ATXN3L: variants seen among roughly 807,000 people sequenced by gnomAD.
ATXN3L encodes the protein ataxin-3-like protein.
For synonymous variants in ATXN3L, 98 were observed against 96.1 expected (o/e 1.02, Z -0.12); for missense variants, 283 against 255.2 (o/e 1.11, Z -0.74).
chrX:13,319,529 G>A lies in ATXN3L; in HGVS notation c.406C>T (p.Leu136Phe), dbSNP rs1555931850. The A allele has an allele frequency of 3.3e-6, 4 of 1,211,656 alleles. No individual in the cohort carries two copies. Among genetic ancestry groups the A allele is most frequent in the East Asian group, 5.9e-5 (2 of 33,859 alleles). The change falls in exon 1 of 1, where the codon CTC becomes TTC. Residue 136 changes from leucine to phenylalanine, a missense_variant. By Grantham distance (22) the Leu-to-Phe change is conservative. Coordinates refer to ENST00000380622, the MANE Select transcript of ATXN3L (RefSeq NM_001135995.2). ...GATATTAATTCTGGACCCGCCAAGAGAGAATTCAAGTTAAACCAGTGTTTT... is the reference window on the plus strand; with the variant it reads ...GATATTAATTCTGGACCCGCCAAGAAAGAATTCAAGTTAAACCAGTGTTTT... ...FGKHWFNLNS[L>F]LAGPELISDT...
chrX:13,319,208 C>T lies in ATXN3L; in HGVS notation c.727G>A (p.Glu243Lys). The change falls in exon 1 of 1, where the codon GAA (glutamate) becomes AAA (lysine). Residue 243 changes from glutamate to lysine, a missense_variant. Transcript: ENST00000380622. ...ATAGTACTGCGGAGATGTTCATCTT[C>T]TCTATTGGTTTCTTGGCGGCTTAGT... The part of the protein sequence containing the change: ...LELSRQETNR[E>K]DEHLRSTIEL... The T allele has an allele frequency of 8.3e-7, 1 of 1,211,634 alleles. No homozygotes were observed. The highest frequency in any genetic ancestry group is 1.1e-6 in the Non-Finnish European group (1 of 895,393).
rs2044470692 is a variant in ATXN3L, at chrX:13,319,280, A to G, written c.655T>C (p.Ser219Pro). 3.3e-6 allele frequency: 4 copies of G among 1,210,853 alleles called. No individual in the cohort carries two copies. The highest frequency in any genetic ancestry group is 4.5e-6 in the Non-Finnish European group (4 of 895,127). Residue 219 changes from serine to proline, a missense_variant, in exon 1 of 1, where the codon TCT (serine) becomes CCT (proline). Coordinates refer to ENST00000380622, the MANE Select transcript of ATXN3L (RefSeq NM_001135995.2). ...TCCTCATCTTGGTCTGATGTTCCAG[A>G]CTCATCACTTTCTTCTGATACTTTT... ...LEKVSEESDE[S>P]GTSDQDEEDF...
Position 13,319,370 on chromosome X carries a change from G to C in ATXN3L, c.565C>G (p.Pro189Ala). The part of the protein sequence containing the change: ...QIISVEEMDT[P>A]KLNGKKLVKQ... ...ACTAATTTTTTTCCATTAAGTTTTG[G>C]TGTATCCATCTCTTCGACACTGATG... is the stretch of plus-strand genomic sequence containing the variant. Residue 189 changes from proline to alanine, a missense_variant, in exon 1 of 1, where the codon CCA (proline) becomes GCA (alanine). Pro to Ala is a conservative substitution (Grantham distance 27). Transcript: ENST00000380622. The C allele has an allele frequency of 8.3e-7, 1 of 1,210,551 alleles. No individual in the cohort carries two copies.
chrX:13,319,190 T>A lies in ATXN3L; in HGVS notation c.745A>T (p.Ser249Cys). The A allele has an allele frequency of 8.3e-7, 1 of 1,211,734 alleles. No homozygotes were observed. Among genetic ancestry groups the A allele is most frequent in the Non-Finnish European group, 1.1e-6 (1 of 895,388 alleles). ...CCTTGCATGCTTAACTCAATAGTAC[T>A]GCGGAGATGTTCATCTTCTCTATTG... The part of the protein sequence containing the change: ...ETNREDEHLR[S>C]TIELSMQGSS... Residue 249 changes from serine to cysteine, a missense_variant, in exon 1 of 1, where the codon AGT becomes TGT. Ser to Cys is a moderately radical substitution (Grantham distance 112). Coordinates refer to ENST00000380622, the MANE Select transcript of ATXN3L (RefSeq NM_001135995.2).
Position 13,319,185 on chromosome X carries a change from A to AG in ATXN3L, c.749dup (p.Ile251TyrfsTer2). ...AACTACCTTGCATGCTTAACTCAAT[A>AG]GTACTGCGGAGATGTTCATCTTCTC... On this transcript the variant is annotated frameshift_variant, in exon 1 of 1. Coordinates refer to ENST00000380622, the MANE Select transcript of ATXN3L (RefSeq NM_001135995.2). LOFTEE classifies it low-confidence loss of function (END_TRUNC). 1 of 1,211,302 alleles carries AG rather than the reference A, an allele frequency of 8.3e-7. No homozygotes were observed. Among genetic ancestry groups the AG allele is most frequent in the Non-Finnish European group, 1.1e-6 (1 of 895,343 alleles).
chrX:13,318,948 G>T lies in ATXN3L; in HGVS notation c.987C>A (p.Ile329=), dbSNP rs922396528. Residue 329 remains isoleucine (I), a synonymous_variant, in exon 1 of 1, where the codon ATC becomes ATA. Transcript: ENST00000380622. ...CAGCGGCCTGTACTGTGCCTTCACT[G>T]ATGTCATCACTGAGATCACTCTCAA... is the stretch of plus-strand genomic sequence containing the variant. The part of the protein sequence containing the change: ...RAIESDLSDD[I]SEGTVQAAVD... 3 of 1,209,682 alleles carry T rather than the reference G, an allele frequency of 2.5e-6. No homozygotes were observed. The highest frequency in any genetic ancestry group is 3.4e-6 in the Non-Finnish European group (3 of 894,918).
Position 13,319,087 on chromosome X carries a change from T to G in ATXN3L, c.848A>C (p.Lys283Thr). 5 of 1,211,464 alleles carry G rather than the reference T, an allele frequency of 4.1e-6. No homozygotes were observed. The highest frequency in any genetic ancestry group is 5.6e-6 in the Non-Finnish European group (5 of 895,402). Reference protein sequence around the residue: ...TPASEQPKKIKEDYFEKHQQE... With the variant: ...TPASEQPKKITEDYFEKHQQE... ...CTGATGCTTTTCAAAATAGTCTTCTTTTATTTTCTTCGGCTGTTCTGAAGC... is the reference window on the plus strand; with the variant it reads ...CTGATGCTTTTCAAAATAGTCTTCTGTTATTTTCTTCGGCTGTTCTGAAGC... Residue 283 changes from lysine to threonine, a missense_variant, in exon 1 of 1, where the codon AAA becomes ACA. By Grantham distance (78) the Lys-to-Thr change is moderately conservative (BLOSUM62 -1). Coordinates refer to ENST00000380622, the MANE Select transcript of ATXN3L (RefSeq NM_001135995.2).
Position 13,319,663 on chromosome X carries a change from A to G in ATXN3L, c.272T>C (p.Ile91Thr). Residue 91 changes from isoleucine (I) to threonine (T), a missense_variant, in exon 1 of 1, where the codon ATC (isoleucine) becomes ACC (threonine). Coordinates refer to ENST00000380622, the MANE Select transcript of ATXN3L (RefSeq NM_001135995.2). The part of the protein sequence containing the change: ...SNALKFWGLE[I>T]IHFNNPEYQK... ...ATATTCAGGATTATTGAAATGGATGATCTCTAAACCCCAGAACTTCAAGGC... is the reference window on the plus strand; with the variant it reads ...ATATTCAGGATTATTGAAATGGATGGTCTCTAAACCCCAGAACTTCAAGGC... 1 of 1,211,693 alleles carries G rather than the reference A, an allele frequency of 8.3e-7. No individual in the cohort carries two copies. The highest frequency in any genetic ancestry group is 1.1e-6 in the Non-Finnish European group (1 of 895,325).
In ATXN3L at chrX:13,319,266, G is replaced by A. The variant is rs745317447; in HGVS notation, c.669C>T (p.Asp223=). The A allele has an allele frequency of 4.1e-6, 5 of 1,209,442 alleles. No homozygotes were observed. In the Admixed American group the frequency reaches 8.8e-5, roughly 21 times the overall value. ...SEESDESGTS[D]QDEEDFQRAL... ...CCCTCTGAAAATCCTCCTCATCTTG[G>A]TCTGATGTTCCAGACTCATCACTTT... is the stretch of plus-strand genomic sequence containing the variant. Residue 223 remains aspartate, a synonymous_variant, in exon 1 of 1, where the codon GAC becomes GAT. Transcript: ENST00000380622.
rs201381068 is a variant in ATXN3L at position 13,319,859 on chromosome X, C to T, written c.76G>A (p.Glu26Lys). The T allele has an allele frequency of 1.6e-5, 19 of 1,210,134 alleles. No homozygotes were observed. Among genetic ancestry groups the T allele is most frequent in the Admixed American group, 2.2e-5 (1 of 45,787 alleles). Residue 26 changes from glutamate (E) to lysine (K), a missense_variant, in exon 1 of 1, where the codon GAA becomes AAA. Physicochemically the swap from Glu to Lys is moderately conservative, Grantham distance 56. Coordinates refer to ENST00000380622, the MANE Select transcript of ATXN3L (RefSeq NM_001135995.2). ...GCTAATTCCACAGGGCTAAAATATT[C>T]TCCTTGCAATAGATTGTTCAGACAG... ...QHCLNNLLQGEYFSPVELASI... is the reference protein window; with the variant it reads ...QHCLNNLLQGKYFSPVELASI...
chrX:13,319,458 T>C lies in ATXN3L; in HGVS notation c.477A>G (p.Ala159=). ...CACCCTTGACAACAAATACAGAATATGCTTGTTGTTGTAATCGAGCCAAGA... is the reference window on the plus strand; with the variant it reads ...CACCCTTGACAACAAATACAGAATACGCTTGTTGTTGTAATCGAGCCAAGA... The part of the protein sequence containing the change: ...ANFLARLQQQ[A]YSVFVVKGDL... The change falls in exon 1 of 1, where the codon GCA becomes GCG. Residue 159 remains alanine, a synonymous_variant. Coordinates refer to ENST00000380622, the MANE Select transcript of ATXN3L (RefSeq NM_001135995.2). The C allele has an allele frequency of 8.3e-7, 1 of 1,211,352 alleles. No individual in the cohort carries two copies. Among genetic ancestry groups the C allele is most frequent in the Non-Finnish European group, 1.1e-6 (1 of 895,026 alleles).
rs1205364548 is a variant in ATXN3L at position 13,318,707 on chromosome X, G to A, written c.*160C>T. ...ATGTCTCCTTGGCTAGTAGTTGAAC[G>A]ATCATTATTTAGTCCCACATCTCTC... On this transcript the variant is annotated 3_prime_UTR_variant, in exon 1 of 1. Transcript: ENST00000380622. The A allele has an allele frequency of 2.6e-6, 1 of 388,988 alleles. No individual in the cohort carries two copies. Among genetic ancestry groups the A allele is most frequent in the Non-Finnish European group, 4.3e-6 (1 of 231,683 alleles). The allele number at this position is 388,988 out of a possible 1,213,427, so 32.1% of individuals were successfully genotyped here.
Position 13,319,211 on chromosome X carries a change from T to C in ATXN3L, c.724A>G (p.Arg242Gly), listed in dbSNP as rs2044469594. The C allele has an allele frequency of 8.3e-7, 1 of 1,211,712 alleles. No homozygotes were observed. Among genetic ancestry groups the C allele is most frequent in the Non-Finnish European group, 1.1e-6 (1 of 895,356 alleles). ...GTACTGCGGAGATGTTCATCTTCTCTATTGGTTTCTTGGCGGCTTAGTTCA... is the reference window on the plus strand; with the variant it reads ...GTACTGCGGAGATGTTCATCTTCTCCATTGGTTTCTTGGCGGCTTAGTTCA... ...ALELSRQETN[R>G]EDEHLRSTIE... The change falls in exon 1 of 1, where the codon AGA (arginine) becomes GGA (glycine). Residue 242 changes from arginine (R) to glycine (G), a missense_variant. Coordinates refer to ENST00000380622, the MANE Select transcript of ATXN3L (RefSeq NM_001135995.2).
Position 13,318,719 on chromosome X carries a change from G to T in ATXN3L, c.*148C>A. 2.3e-6 allele frequency: 1 copy of T among 429,675 alleles called. No individual in the cohort carries two copies. Among genetic ancestry groups the T allele is most frequent in the Non-Finnish European group, 3.9e-6 (1 of 257,494 alleles). 35.4% of individuals were successfully genotyped at this position (429,675 alleles called of 1,213,427 possible). On this transcript the variant is annotated 3_prime_UTR_variant, in exon 1 of 1. Transcript: ENST00000380622. ...CTAGTAGTTGAACGATCATTATTTA[G>T]TCCCACATCTCTCTCGTCATTTTGT... is the stretch of plus-strand genomic sequence containing the variant.
chrX:13,319,349 A>AT lies in ATXN3L; in HGVS notation c.585dup (p.Leu196IlefsTer8). On this transcript the variant is annotated frameshift_variant, in exon 1 of 1. Transcript: ENST00000380622. LOFTEE classifies it low-confidence loss of function (END_TRUNC). ...ACTCTATGCTCTTTTTGTTTTACTA[A>AT]TTTTTTTCCATTAAGTTTTGGTGTA... The AT allele has an allele frequency of 1.7e-6, 2 of 1,209,467 alleles. No homozygotes were observed. The highest frequency in any genetic ancestry group is 2.2e-6 in the Non-Finnish European group (2 of 894,606).
rs2044463230 is a variant in ATXN3L at position 13,318,708 on chromosome X, A to G, written c.*159T>C. 2.5e-6 allele frequency: 1 copy of G among 399,374 alleles called. No homozygotes were observed. The highest frequency in any genetic ancestry group is 2.5e-5 in the African/African-American group (1 of 39,583). The allele number at this position is 399,374 out of a possible 1,213,427, so 32.9% of individuals were successfully genotyped here. A position where few individuals can be genotyped will look rare whatever the true frequency, so the allele number is the denominator to read the frequency against. On this transcript the variant is annotated 3_prime_UTR_variant, in exon 1 of 1. Coordinates refer to ENST00000380622, the MANE Select transcript of ATXN3L (RefSeq NM_001135995.2). ...TGTCTCCTTGGCTAGTAGTTGAACG[A>G]TCATTATTTAGTCCCACATCTCTCT...
Position 13,319,594 on chromosome X carries a change from C to T in ATXN3L, c.341G>A (p.Cys114Tyr), listed in dbSNP as rs2044474737. 2 of 1,208,436 alleles carry T rather than the reference C, an allele frequency of 1.7e-6. No individual in the cohort carries two copies. Among genetic ancestry groups the T allele is most frequent in the Non-Finnish European group, 2.2e-6 (2 of 892,711 alleles). The change falls in exon 1 of 1, where the codon TGT (cysteine) becomes TAT (tyrosine). Residue 114 changes from cysteine to tyrosine, a missense_variant. By Grantham distance (194) the Cys-to-Tyr change is radical (BLOSUM62 -2). Coordinates refer to ENST00000380622, the MANE Select transcript of ATXN3L (RefSeq NM_001135995.2). ...AGTAAACCAGTGTTGTTTATAATTACATATAAAAGATCTTTCATTTATAGG... is the reference window on the plus strand; with the variant it reads ...AGTAAACCAGTGTTGTTTATAATTATATATAAAAGATCTTTCATTTATAGG... ...IDPINERSFI[C>Y]NYKQHWFTIR...
rs1338584130 is a variant in ATXN3L, at chrX:13,318,726, ATC to A, written c.*139_*140del. The A allele has an allele frequency of 6.7e-5, 30 of 449,043 alleles. No homozygotes were observed. Among genetic ancestry groups the A allele is most frequent in the African/African-American group, 6.7e-4 (27 of 40,478 alleles). 37.0% of individuals were successfully genotyped at this position (449,043 alleles called of 1,213,427 possible). The stretch of plus-strand genomic sequence containing the variant: ...TTGAACGATCATTATTTAGTCCCAC[ATC>A]TCTCTCGTCATTTTGTTTGCAAACT... On this transcript the variant is annotated 3_prime_UTR_variant, in exon 1 of 1. Transcript: ENST00000380622.
rs973481696 is a variant in ATXN3L at position 13,319,611 on chromosome X, A to G, written c.324T>C (p.Asn108=). The G allele has an allele frequency of 8.3e-7, 1 of 1,209,711 alleles. No individual in the cohort carries two copies. Residue 108 remains asparagine (N), a synonymous_variant, in exon 1 of 1, where the codon AAT becomes AAC. Coordinates refer to ENST00000380622, the MANE Select transcript of ATXN3L (RefSeq NM_001135995.2). ...EYQKLGIDPI[N]ERSFICNYKQ... is the part of the protein sequence containing the mutation. Reference sequence around the variant, plus strand: ...TATAATTACATATAAAAGATCTTTCATTTATAGGATCAATGCCGAGCTTCT... The same window carrying G: ...TATAATTACATATAAAAGATCTTTCGTTTATAGGATCAATGCCGAGCTTCT...
Sources: allele counts gnomAD v4.1 joint callset, GRCh38; gene constraint gnomAD v4.1.1; transcripts MANE v1.5; gene names NCBI Gene and HGNC (gene_info 2026-07-23, HGNC 2026-07-21).